Variants in DDR1 observed in about 807,000 individuals in gnomAD.
The protein encoded by DDR1 is epithelial discoidin domain-containing receptor 1.
A neutral mutation model predicts 97.4 loss-of-function variants in DDR1; 64 were observed. The observed-to-expected ratio is 0.66, with a 90% CI of 0.54 to 0.81. DDR1 has a LOEUF of 0.81. Among genes scored for constraint, DDR1 ranks in the 30% least tolerant of loss-of-function variants. The pLI is 0.00. For synonymous variants in DDR1, 458 were observed against 503.7 expected (o/e 0.91, Z 1.21); for missense variants, 990 against 1,259.6 (o/e 0.79, Z 3.24).
rs771341445 is a variant in DDR1 at position 30,898,912 on chromosome 6, G to A, written c.2476G>A (p.Val826Met). The A allele has an allele frequency of 9.9e-6, 16 of 1,611,970 alleles. No homozygotes were observed. The highest frequency in any genetic ancestry group is 6.7e-5 in the East Asian group (3 of 44,800). The change falls in exon 17 of 18, where the codon GTG (valine) becomes ATG (methionine). Residue 826 changes from valine to methionine, a missense_variant. Transcript: ENST00000376568. ...GGGGAAGTTCACGACTGCGAGTGACGTGTGGGCCTTTGGTGTGACCCTGTG... is the reference window on the plus strand; with the variant it reads ...GGGGAAGTTCACGACTGCGAGTGACATGTGGGCCTTTGGTGTGACCCTGTG... ...LMGKFTTASDVWAFGVTLWEV... is the reference protein window; with the variant it reads ...LMGKFTTASDMWAFGVTLWEV...
chr6:30,894,754 T>C lies in DDR1; in HGVS notation c.1513+83T>C. 7.0e-7 allele frequency: 1 copy of C among 1,427,990 alleles called. No homozygotes were observed. The highest frequency in any genetic ancestry group is 1.5e-5 in the South Asian group (1 of 68,466). 88.5% of individuals were successfully genotyped at this position (1,427,990 alleles called of 1,614,324 possible). A position where few individuals can be genotyped will look rare whatever the true frequency, so the allele number is the denominator to read the frequency against. The stretch of plus-strand genomic sequence containing the variant: ...TCCCTTTCCCATTCTCTTTTTTTCC[T>C]GTCTTCCCCAGTTTCCACTTGTTTT... On this transcript the variant is annotated intron_variant, in intron 11 of 17. Coordinates refer to ENST00000376568, the MANE Select transcript of DDR1 (RefSeq NM_001297654.2). The surrounding 1 kb of genome is among the most constrained non-coding windows in gnomAD (Gnocchi z 5.7).
chr6:30,895,603 C>A, intron 12 of DDR1, 89 bp downstream of exon 12: 1 of 809,674 alleles, frequency 1.2e-6, no homozygotes, highest in Non-Finnish European at 1.9e-6. Context: ...TTCCTCCTCT[C>A]CCCACTGTGG....
At position 30,888,287 on chromosome 6, in the gene DDR1, CT is replaced by C; in HGVS notation, c.-42-397del. 1 of 169,864 alleles carries C rather than the reference CT, an allele frequency of 5.9e-6. No homozygotes were observed. The allele number at this position is 169,864 out of a possible 1,614,324, so 10.5% of individuals were successfully genotyped here. ...CCTTAGTTTATTGTAGTTATTAAAC[CT>C]TTTCCTGTTGTATGTGTTATAAACA... On this transcript the variant is annotated intron_variant, in intron 1 of 17. Transcript: ENST00000376568. This position sits in a 1 kb window ranked among gnomAD's most constrained non-coding sequence, Gnocchi z 4.2.
chr6:30,898,123 A>G lies in DDR1; in HGVS notation c.2267A>G (p.Tyr756Cys), dbSNP rs777480526. The change falls in exon 16 of 18, where the codon TAT (tyrosine) becomes TGT (cysteine). Residue 756 changes from tyrosine (Y) to cysteine (C), a missense_variant. Tyr to Cys is a radical substitution (Grantham distance 194). Coordinates refer to ENST00000376568, the MANE Select transcript of DDR1 (RefSeq NM_001297654.2). Reference sequence around the variant, plus strand: ...GCCCAGATCGCCTCCGGCATGCGCTATCTGGCCACACTCAACTTTGTACAT... The same window carrying G: ...GCCCAGATCGCCTCCGGCATGCGCTGTCTGGCCACACTCAACTTTGTACAT... ...VAAQIASGMR[Y>C]LATLNFVHRD... 36 of 1,614,132 alleles carry G rather than the reference A, an allele frequency of 2.2e-5. No individual in the cohort carries two copies. Among genetic ancestry groups the G allele is most frequent in the African/African-American group, 6.7e-5 (5 of 74,950 alleles).
At chr6:30,893,455 G>A (rs980718866) in intron 10 of DDR1, 32 bp downstream of exon 10, 3 of 1,582,154 alleles carry the variant, frequency 1.9e-6, no homozygotes, top group South Asian at 1.1e-5. Context: ...GGAGTGGCGG[G>A]GGGAGGCCAG....
rs761864419 is a variant in DDR1, at chr6:30,894,705, C to T, written c.1513+34C>T. ...TGCCTTGTTCCAGTCGCACCTCTGT[C>T]CTCTCTGCTGTTTTCTTATTGTATC... On this transcript the variant is annotated intron_variant, in intron 11 of 17. Transcript: ENST00000376568. The surrounding 1 kb of genome is among the most constrained non-coding windows in gnomAD (Gnocchi z 5.7). 6.5e-6 allele frequency: 10 copies of T among 1,529,072 alleles called. No homozygotes were observed. The highest frequency in any genetic ancestry group is 8.8e-6 in the Non-Finnish European group (10 of 1,135,544). 94.7% of individuals were successfully genotyped at this position (1,529,072 alleles called of 1,614,324 possible).
intron 1 of DDR1, chr6:30,885,029 T>G (rs1476651777): frequency 1.7e-6 from 1 of 593,414 alleles, no homozygotes; most frequent in African/African-American, 1.8e-5. Flanking sequence ...GCAGCCCCAC[T>G]GAGTCAGCTC....
At chr6:30,883,694 C>T (rs895477304), upstream of DDR1, 2 of 152,392 alleles carry the variant, frequency 1.3e-5, no homozygotes, top group African/African-American at 2.4e-5. This position sits in a 1 kb window ranked among gnomAD's most constrained non-coding sequence, Gnocchi z 4.9. Context: ...CCTGAGTCCC[C>T]CTCCCACTCC....
upstream of DDR1, chr6:30,881,028 G>A (rs1784266951): frequency 1.3e-5 from 2 of 152,142 alleles, no homozygotes; most frequent in South Asian, 4.1e-4. Context: ...CGGGGCCCCG[G>A]ACGCTCGGAC....
chr6:30,891,538 TGTGTGTGTGTGTGTGTGTGA>T lies in DDR1; in HGVS notation c.665+61_665+80del, dbSNP rs1788261699. On this transcript the variant is annotated intron_variant, in intron 6 of 17. Transcript: ENST00000376568. The surrounding 1 kb of genome is among the most constrained non-coding windows in gnomAD (Gnocchi z 5.3). ...GGTGGGAGGGAGGACTGTGTGTGTG[TGTGTGTGTGTGTGTGTGTGA>T]GAGTGTGTGTGTGTAGGGGGGCTGG... The T allele has an allele frequency of 6.8e-6, 6 of 878,746 alleles. No individual in the cohort carries two copies. The highest frequency in any genetic ancestry group is 1.7e-5 in the African/African-American group (1 of 60,132). The allele number at this position is 878,746 out of a possible 1,614,324, so 54.4% of individuals were successfully genotyped here.
Position 30,899,826 on chromosome 6 carries a change from T to A in DDR1, c.*530T>A. 1 of 375,054 alleles carries A rather than the reference T, an allele frequency of 2.7e-6. No individual in the cohort carries two copies. The highest frequency in any genetic ancestry group is 5.0e-6 in the Non-Finnish European group (1 of 200,380). The allele number at this position is 375,054 out of a possible 1,614,324, so 23.2% of individuals were successfully genotyped here. ...TCAGCTTGGGCTTCTTCCTCCTCCATCACCTGAAACACTGGACCTGGGGGT... is the reference window on the plus strand; with the variant it reads ...TCAGCTTGGGCTTCTTCCTCCTCCAACACCTGAAACACTGGACCTGGGGGT... On this transcript the variant is annotated 3_prime_UTR_variant, in exon 18 of 18. Coordinates refer to ENST00000376568, the MANE Select transcript of DDR1 (RefSeq NM_001297654.2).
upstream of DDR1, chr6:30,883,053 G>C (rs1479225960): frequency 6.6e-6 from 1 of 152,422 alleles, no homozygotes; most frequent in Non-Finnish European, 1.5e-5. The surrounding 1 kb of genome is among the most constrained non-coding windows in gnomAD (Gnocchi z 4.9). Context: ...GCTGCTCTTC[G>C]AGTGACCCTG....
intron 13 of DDR1, 38 bp from the exon 14 acceptor site, chr6:30,896,976 A>G: frequency 6.3e-7 from 1 of 1,599,442 alleles, no homozygotes. Flanking sequence ...AATCCGTTTG[A>G]CCCTGTGACC....
Position 30,892,448 on chromosome 6 carries a change from A to C in DDR1, c.1005A>C (p.Ser335=). Residue 335 remains serine (S), a synonymous_variant, in exon 8 of 18, where the codon TCA becomes TCC. Transcript: ENST00000376568. ...NLGDPRARAV[S]VPLGGRVARF... is the part of the protein sequence containing the mutation. ...GGGACCCCAGAGCCCGGGCTGTCTC[A>C]GTGCCCCTTGGCGGCCGTGTGGCTC... 6 of 1,608,990 alleles carry C rather than the reference A, an allele frequency of 3.7e-6. No homozygotes were observed. Among genetic ancestry groups the C allele is most frequent in the Non-Finnish European group, 4.2e-6 (5 of 1,179,580 alleles).
At position 30,891,356 on chromosome 6, in the gene DDR1, C is replaced by T. The variant is rs922080128; in HGVS notation, c.566-24C>T. On this transcript the variant is annotated intron_variant, in intron 5 of 17. Transcript: ENST00000376568. This position sits in a 1 kb window ranked among gnomAD's most constrained non-coding sequence, Gnocchi z 5.3. ...GGGATGGAGCCTTAGTGCCTCTGACCCCCATCCTCTCACCCTGCCCCAGAT... is the reference window on the plus strand; with the variant it reads ...GGGATGGAGCCTTAGTGCCTCTGACTCCCATCCTCTCACCCTGCCCCAGAT... 6.3e-7 allele frequency: 1 copy of T among 1,587,674 alleles called. No individual in the cohort carries two copies. The highest frequency in any genetic ancestry group is 1.3e-5 in the African/African-American group (1 of 74,364).
chr6:30,898,804 G>T, intron 16 of DDR1, 84 bp from the exon 17 acceptor site: 1 of 1,453,890 alleles, frequency 6.9e-7, no homozygotes, highest in South Asian at 1.3e-5. Context: ...GCCCAGAGTG[G>T]ATCTGGGGCT....
chr6:30,899,542 T>C lies in DDR1; in HGVS notation c.*246T>C, dbSNP rs1792219304. 1.8e-6 allele frequency: 1 copy of C among 565,060 alleles called. No homozygotes were observed. Among genetic ancestry groups the C allele is most frequent in the Non-Finnish European group, 3.1e-6 (1 of 322,522 alleles). The allele number at this position is 565,060 out of a possible 1,614,324, so 35.0% of individuals were successfully genotyped here. On this transcript the variant is annotated 3_prime_UTR_variant, in exon 18 of 18. Transcript: ENST00000376568. ...TAGAAGCCCCTGTCGCCCACCCAGC[T>C]GGTCCTGTGGATGGGATCCTCTCCA...
intron 17 of DDR1, 24 bp from the exon 18 acceptor site, chr6:30,899,132 C>G: frequency 6.2e-7 from 1 of 1,614,196 alleles, no homozygotes; most frequent in Non-Finnish European, 8.5e-7. Flanking sequence ...TTCCCTGACT[C>G]TCATCCACAC....
chr6:30,899,180 T>C lies in DDR1; in HGVS notation c.2626T>C (p.Cys876Arg), dbSNP rs770864088. Residue 876 changes from cysteine (C) to arginine (R), a missense_variant, in exon 18 of 18, where the codon TGC (cysteine) becomes CGC (arginine). Transcript: ENST00000376568. Reference protein sequence around the residue: ...RQVYLSRPPACPQGLYELMLR... With the variant: ...RQVYLSRPPARPQGLYELMLR... ...GGTGTACCTGTCCCGGCCGCCTGCC[T>C]GCCCGCAGGGCCTATATGAGCTGAT... 2.5e-6 allele frequency: 4 copies of C among 1,614,238 alleles called. No homozygotes were observed. The highest frequency in any genetic ancestry group is 2.5e-6 in the Non-Finnish European group (3 of 1,180,034).
Sources: gnomAD v4.1 joint callset for allele counts on GRCh38, gnomAD v4.1.1 for gene constraint, Gnocchi (gnomAD v3.1) non-coding constraint, MANE v1.5 for transcripts, NCBI Gene and HGNC (gene_info 2026-07-23, HGNC 2026-07-21) for gene names.